The following SYNE1 variants were observed in gnomAD, a reference collection of about 807,000 sequenced individuals.
The protein encoded by SYNE1 is nesprin-1.
SYNE1 carries 616 observed loss-of-function variants against 1,111.0 expected under a neutral mutation model. The observed-to-expected ratio is 0.55, with a 90% CI of 0.52 to 0.59. The LOEUF is 0.59. SYNE1 is among the 20% of genes least tolerant of loss of function. SYNE1 has a pLI of 0.00. For missense variants in SYNE1, 10,006 were observed against 10,417.0 expected, an observed-to-expected ratio of 0.96 and a Z score of 1.72; for synonymous variants, 3,855 against 3,825.8, an observed-to-expected ratio of 1.01 and a Z score of -0.28.
At position 152,395,641 on chromosome 6, in the gene SYNE1, T is replaced by C. The variant is rs141499089; in HGVS notation, c.7587A>G (p.Leu2529=). 3 of 1,614,206 alleles carry C rather than the reference T, an allele frequency of 1.9e-6. No individual in the cohort carries two copies. In the Admixed American group the frequency reaches 5.0e-5, roughly 27 times the overall value. Residue 2529 remains leucine, a synonymous_variant, in exon 51 of 146, where the codon TTA becomes TTG. Coordinates refer to ENST00000367255, the MANE Select transcript of SYNE1 (RefSeq NM_182961.4). ...SFEDQHRKLN[L]WIHEMEERFN... ...ACCTTTCTTCCATTTCATGGATCCA[T>C]AAGTTCAGTTTTCTGTGCTGATCTT... is the stretch of plus-strand genomic sequence containing the variant.
rs192853060 is a variant in SYNE1, at chr6:152,367,466, A to G, written c.9808-84T>C. On this transcript the variant is annotated intron_variant, in intron 61 of 145. Coordinates refer to ENST00000367255, the MANE Select transcript of SYNE1 (RefSeq NM_182961.4). ...TAACAGTTTGTTTGAAACAAAGGCA[A>G]TCAGTCATGGCTTCATACGCTGCAC... The G allele has an allele frequency of 3.8e-4, 574 of 1,525,670 alleles. 1 individual carries two copies. The highest frequency in any genetic ancestry group is 3.2e-3 in the African/African-American group (237 of 73,584). The allele number at this position is 1,525,670 out of a possible 1,614,324, so 94.5% of individuals were successfully genotyped here. A position where few individuals can be genotyped will look rare whatever the true frequency, so the allele number is the denominator to read the frequency against.
chr6:152,481,952 AGT>A (rs1255334218), intron 14 of SYNE1, among the ~76,000 whole-genome samples: 1 of 151,954 alleles, frequency 6.6e-6, no homozygotes, highest in Non-Finnish European at 1.5e-5. Flanking sequence ...CAGAGAGTTC[AGT>A]GTGTGTGTTT....
intron 65 of SYNE1, among the ~76,000 whole-genome samples, chr6:152,358,909 C>T (rs531541413): frequency 6.6e-6 from 1 of 152,218 alleles, no homozygotes; most frequent in South Asian, 2.1e-4. Flanking sequence ...TTAAATTTTC[C>T]ATAGTAGAAT....
At chr6:152,407,708 C>T (rs1299225881) in intron 44 of SYNE1, among the ~76,000 whole-genome samples, 2 of 150,868 alleles carry the variant, frequency 1.3e-5, no homozygotes, top group African/African-American at 4.9e-5. Flanking sequence ...CACTAAAATC[C>T]CAAAAGCTAT....
intron 85 of SYNE1, 119 bp downstream of exon 85, chr6:152,318,744 G>A (rs1293414066): frequency 7.6e-6 from 9 of 1,180,696 alleles, no homozygotes; most frequent in East Asian, 2.5e-5. Flanking sequence ...ACCACCTGCT[G>A]TTACTATTTG....
chr6:152,323,586 A>C lies in SYNE1; in HGVS notation c.15809T>G (p.Met5270Arg). ...CATGCTCAGGGTTTGCTGCCGCAGC[A>C]TGCCCAAGGCCGACTGCTGCTGCTC... ...ELEQQQSALG[M>R]LRQQTLSMLQ... Residue 5270 changes from methionine to arginine, a missense_variant, in exon 82 of 146, where the codon ATG (methionine) becomes AGG (arginine). Around this residue, in one of 7 missense-constraint regions of SYNE1, gnomAD observed 4,955 missense variants for 5,017.2 expected, o/e 0.99. Transcript: ENST00000367255. 1 of 1,614,240 alleles carries C rather than the reference A, an allele frequency of 6.2e-7. No individual in the cohort carries two copies. The highest frequency in any genetic ancestry group is 8.5e-7 in the Non-Finnish European group (1 of 1,180,040).
chr6:152,132,452 T>C (rs2056004290), intron 143 of SYNE1, among the ~76,000 whole-genome samples: 1 of 152,224 alleles, frequency 6.6e-6, no homozygotes, highest in Non-Finnish European at 1.5e-5. Flanking sequence ...GCTATGATTT[T>C]GTTATTGCTA....
chr6:152,247,274 G>C (rs1464886654), intron 105 of SYNE1, among the ~76,000 whole-genome samples: 1 of 152,130 alleles, frequency 6.6e-6, no homozygotes, highest in Non-Finnish European at 1.5e-5. Flanking sequence ...TCCAAGTTGG[G>C]TAGGCATGGA....
At chr6:152,350,589 C>A (rs1212441415) in intron 71 of SYNE1, 29 bp downstream of exon 71, 1 of 1,614,020 alleles carries the variant, frequency 6.2e-7, no homozygotes, top group Admixed American at 1.7e-5. Context: ...AAAATAAACC[C>A]TTTTACGGAG....
chr6:152,315,819 G>A lies in SYNE1; in HGVS notation c.16710+1030C>T, dbSNP rs553315104. 7.2e-5 allele frequency: 11 copies of A among 152,234 alleles called. No individual in the cohort carries two copies. In the South Asian group the frequency reaches 1.5e-3, roughly 20 times the overall value. 9.4% of individuals were successfully genotyped at this position (152,234 alleles called of 1,614,324 possible). On this transcript the variant is annotated intron_variant, in intron 87 of 145. Transcript: ENST00000367255. ...AAGAAAGACATTGTGGGAAGAATACGCAAGATTGATCAGAGAAGAAAGACT... is the reference window on the plus strand; with the variant it reads ...AAGAAAGACATTGTGGGAAGAATACACAAGATTGATCAGAGAAGAAAGACT...
At chr6:152,159,277 ACT>A (rs1465393478) in intron 131 of SYNE1, among the ~76,000 whole-genome samples, 1 of 152,186 alleles carries the variant, frequency 6.6e-6, no homozygotes, top group Non-Finnish European at 1.5e-5. Context: ...GTATAATCAC[ACT>A]GTGTGGTGTG....
chr6:152,442,662 C>A (rs185450955), intron 30 of SYNE1, among the ~76,000 whole-genome samples: 16 of 152,198 alleles, frequency 1.1e-4, no homozygotes, highest in Admixed American at 3.3e-4. Context: ...GATTTATGGC[C>A]AGGGGCGGTG....
At chr6:152,346,208 C>T (rs2096627280) in intron 73 of SYNE1, among the ~76,000 whole-genome samples, 1 of 152,064 alleles carries the variant, frequency 6.6e-6, no homozygotes, top group Non-Finnish European at 1.5e-5. Context: ...ACTTTGTCCC[C>T]CAGGCTGGAG....
chr6:152,151,807 G>C lies in SYNE1; in HGVS notation c.24313-117C>G, dbSNP rs894864398. Reference sequence around the variant, plus strand: ...AAGTCATTTTCTCAGCAAGCAATGAGAAGCCTGCAATCCTTTGCTATATCA... The same window carrying C: ...AAGTCATTTTCTCAGCAAGCAATGACAAGCCTGCAATCCTTTGCTATATCA... On this transcript the variant is annotated intron_variant, in intron 134 of 145. Coordinates refer to ENST00000367255, the MANE Select transcript of SYNE1 (RefSeq NM_182961.4). 1.2e-5 allele frequency: 18 copies of C among 1,505,910 alleles called. No homozygotes were observed. In the Middle Eastern group the frequency reaches 8.0e-4, roughly 67 times the overall value. The allele number at this position is 1,505,910 out of a possible 1,614,324, so 93.3% of individuals were successfully genotyped here. A position where few individuals can be genotyped will look rare whatever the true frequency, so the allele number is the denominator to read the frequency against.
At chr6:152,171,913 AG>A (rs2153093964) in intron 130 of SYNE1, among the ~76,000 whole-genome samples, 1 of 152,368 alleles carries the variant, frequency 6.6e-6, no homozygotes, top group East Asian at 1.9e-4. Flanking sequence ...GGTCCTCTAC[AG>A]AAAACATTTG....
Position 152,373,137 on chromosome 6 carries a change from G to A in SYNE1, c.9407C>T (p.Thr3136Ile). Residue 3136 changes from threonine to isoleucine, a missense_variant, in exon 59 of 146, where the codon ACC becomes ATC. Around this residue, in one of 7 missense-constraint regions of SYNE1, gnomAD observed 4,955 missense variants for 5,017.2 expected, o/e 0.99. Coordinates refer to ENST00000367255, the MANE Select transcript of SYNE1 (RefSeq NM_182961.4). ...CTGGATCCCTTTCGCTTTCTCTTTG[G>A]TCAGCAGGGTACTCAGAAGTTCCCC... ...SKGELLSTLLTKEKAKGIQAK... is the reference protein window; with the variant it reads ...SKGELLSTLLIKEKAKGIQAK... 2 of 1,613,952 alleles carry A rather than the reference G, an allele frequency of 1.2e-6. No individual in the cohort carries two copies. Among genetic ancestry groups the A allele is most frequent in the Non-Finnish European group, 1.7e-6 (2 of 1,180,020 alleles).
intron 3 of SYNE1, among the ~76,000 whole-genome samples, chr6:152,623,977 A>C: frequency 6.6e-6 from 1 of 152,264 alleles, no homozygotes; most frequent in African/African-American, 2.4e-5. Flanking sequence ...TATTATACTT[A>C]AAACAAAAAA....
At position 152,336,895 on chromosome 6, in the gene SYNE1, C is replaced by G. The variant is rs373765278; in HGVS notation, c.12474G>C (p.Arg4158Ser). ...TGTTCAGCTCCAGCTCAGAGTGCCT[C>G]CTCTTCATGTTCTGCAGTTGCTGAT... ...DADQQLQNMK[R>S]RHSELELNIA... Residue 4158 changes from arginine to serine, a missense_variant, in exon 76 of 146, where the codon AGG becomes AGC. Arg to Ser is a moderately radical substitution (Grantham distance 110, BLOSUM62 -1). Coordinates refer to ENST00000367255, the MANE Select transcript of SYNE1 (RefSeq NM_182961.4). 3.1e-6 allele frequency: 5 copies of G among 1,614,034 alleles called. No individual in the cohort carries two copies. Among genetic ancestry groups the G allele is most frequent in the Non-Finnish European group, 4.2e-6 (5 of 1,180,048 alleles).
chr6:152,463,395 C>T lies in SYNE1; in HGVS notation c.2055G>A (p.Leu685=), dbSNP rs768517552. 6.2e-7 allele frequency: 1 copy of T among 1,613,792 alleles called. No individual in the cohort carries two copies. The highest frequency in any genetic ancestry group is 2.2e-5 in the East Asian group (1 of 44,864). The change falls in exon 19 of 146, where the codon TTG becomes TTA. Residue 685 remains leucine, a synonymous_variant. Transcript: ENST00000367255. ...ACAACTCCCTCCACCGCCCATTTAG[C>T]AACAGTAATTGCTGCTTCAGGTCAC... ...VSRDLKQQLL[L]LNGRWRELFM...
Sources: allele counts gnomAD v4.1 joint callset (sites outside exome capture counted in the v4.1 genomes callset), GRCh38; gene constraint gnomAD v4.1.1; regional missense constraint gnomAD v4.1.1; transcripts MANE v1.5; gene names NCBI Gene and HGNC (gene_info 2026-07-23, HGNC 2026-07-21).